DIP2A: variants seen among roughly 807,000 people sequenced by gnomAD.
DIP2A encodes the protein disco-interacting protein 2 homolog A.
A neutral mutation model predicts 177.4 loss-of-function variants in DIP2A; 85 were observed. The ratio of observed to expected loss-of-function variants is 0.48; its 90% CI spans 0.40 to 0.57. The LOEUF is 0.57. Among genes scored for constraint, DIP2A ranks in the 20% least tolerant of loss-of-function variants. DIP2A has a pLI of 0.00. For missense variants in DIP2A, 1,791 were observed against 2,100.2 expected, an observed-to-expected ratio of 0.85 and a Z score of 2.88; for synonymous variants, 886 against 881.8, an observed-to-expected ratio of 1.00 and a Z score of -0.08.
At chr21:46,511,659 A>G in intron 8 of DIP2A, 45 bp downstream of exon 8, 1 of 1,475,152 alleles carries the variant, frequency 6.8e-7, no homozygotes, top group African/African-American at 1.4e-5. Flanking sequence ...TTAGCTGTAG[A>G]ATGTCACACA....
chr21:46,527,985 C>A (rs1938102400), intron 8 of DIP2A, among the ~76,000 whole-genome samples: 1 of 152,074 alleles, frequency 6.6e-6, no homozygotes, highest in Non-Finnish European at 1.5e-5. Flanking sequence ...TGAAGCTCTC[C>A]CCTATTGAGT....
In DIP2A at chr21:46,533,991, CTGTG is replaced by C. The variant is rs1305258854; in HGVS notation, c.1430-9_1430-6del. On this transcript the variant is annotated splice_polypyrimidine_tract_variant and intron_variant, in intron 11 of 37. Coordinates refer to ENST00000417564, the MANE Select transcript of DIP2A (RefSeq NM_015151.4). ...GACTGCTTGCTGTTCTGTGTCCTGT[CTGTG>C]TGTCACAGGTTGGCCCCCGCTCTCC... The C allele has an allele frequency of 1.9e-6, 3 of 1,608,486 alleles. No homozygotes were observed. Among genetic ancestry groups the C allele is most frequent in the Admixed American group, 1.7e-5 (1 of 59,626 alleles).
chr21:46,539,984 A>G lies in DIP2A; in HGVS notation c.2029A>G (p.Ile677Val). Residue 677 changes from isoleucine to valine, a missense_variant, in exon 17 of 38, where the codon ATC (isoleucine) becomes GTC (valine). Transcript: ENST00000417564. Reference protein sequence around the residue: ...ASSPEALTVAIRRPPDLGGPP... With the variant: ...ASSPEALTVAVRRPPDLGGPP... ...TTCTCCTGAGGCGCTGACTGTCGCC[A>G]TCCGCAGGTAACCTTATTCCTTGCT... 2 of 1,613,666 alleles carry G rather than the reference A, an allele frequency of 1.2e-6. No homozygotes were observed. The highest frequency in any genetic ancestry group is 1.7e-6 in the Non-Finnish European group (2 of 1,179,534).
rs1344034032 is a variant in DIP2A, at chr21:46,537,193, C to T, written c.1643-31C>T. Reference sequence around the variant, plus strand: ...CATAGGGCTTATTGAGAGGGTTGCTCAGTGGTGTCACCTTCTTTGTCCACT... The same window carrying T: ...CATAGGGCTTATTGAGAGGGTTGCTTAGTGGTGTCACCTTCTTTGTCCACT... On this transcript the variant is annotated intron_variant, in intron 13 of 37. Transcript: ENST00000417564. This position sits in a 1 kb window ranked among gnomAD's most constrained non-coding sequence, Gnocchi z 4.1. The T allele has an allele frequency of 1.2e-6, 2 of 1,612,832 alleles. No individual in the cohort carries two copies. Among genetic ancestry groups the T allele is most frequent in the Non-Finnish European group, 1.7e-6 (2 of 1,178,852 alleles).
rs115395494 is a variant in DIP2A, at chr21:46,544,275, C to G, written c.2177-862C>G. Among the ~76,000 whole-genome samples the G allele has an allele frequency of 6.1e-3, 927 of 152,128 alleles. 10 individuals are homozygous for G. Among genetic ancestry groups the G allele is most frequent in the African/African-American group, 0.022 (892 of 41,472 alleles). On this transcript the variant is annotated intron_variant, in intron 18 of 37. Coordinates refer to ENST00000417564, the MANE Select transcript of DIP2A (RefSeq NM_015151.4). ...GGAGGAGTCACACTGAGGCCTGAGA[C>G]ATCGTGCTCCATGAAAAGGCGCACA...
At chr21:46,476,633 C>G (rs1292627142) in intron 1 of DIP2A, among the ~76,000 whole-genome samples, 2 of 150,272 alleles carry the variant, frequency 1.3e-5, no homozygotes, top group Middle Eastern at 3.2e-3. Context: ...CTCACGTCTT[C>G]TAGTCATAGC....
chr21:46,549,204 A>G (rs1408371510), intron 21 of DIP2A, among the ~76,000 whole-genome samples: 1 of 152,192 alleles, frequency 6.6e-6, no homozygotes, highest in Non-Finnish European at 1.5e-5. Context: ...AATGTCCCAG[A>G]GTCAGAATGG....
Position 46,504,480 on chromosome 21 carries a change from A to T in DIP2A, c.775A>T (p.Thr259Ser). 6.2e-7 allele frequency: 1 copy of T among 1,608,540 alleles called. No individual in the cohort carries two copies. The highest frequency in any genetic ancestry group is 8.5e-7 in the Non-Finnish European group (1 of 1,177,012). ...GGGGTGCAGCGGGAGCATGCTGGAA[A>T]CAGCAGATGGTGAGCCTGCCTCTCT... ...PRGCSGSMLE[T>S]ADGVPVNSRV... Residue 259 changes from threonine (T) to serine (S), a missense_variant, in exon 6 of 38, where the codon ACA becomes TCA. Thr to Ser is a moderately conservative substitution (Grantham distance 58, BLOSUM62 1). Coordinates refer to ENST00000417564, the MANE Select transcript of DIP2A (RefSeq NM_015151.4).
intron 35 of DIP2A, among the ~76,000 whole-genome samples, chr21:46,564,621 G>A (rs949072459): frequency 1.3e-5 from 2 of 152,232 alleles, no homozygotes; most frequent in South Asian, 2.1e-4. Flanking sequence ...CTTGGGGAAT[G>A]TGCTGTCAAA....
the DIP2A span, among the ~76,000 whole-genome samples, chr21:46,581,320 T>A: frequency 6.6e-6 from 1 of 152,222 alleles, no homozygotes; most frequent in Non-Finnish European, 1.5e-5. Context: ...CTCTGTAAAC[T>A]GGTTATTCTG....
At chr21:46,561,843 C>CT in intron 34 of DIP2A, 38 bp downstream of exon 34, 1 of 1,611,642 alleles carries the variant, frequency 6.2e-7, no homozygotes. Context: ...TGAGTCGCGT[C>CT]TGAGACCTTT....
chr21:46,470,929 G>GA (rs61607316), intron 1 of DIP2A, among the ~76,000 whole-genome samples: 1,711 of 82,832 alleles, frequency 0.021, 16 homozygotes, highest in African/African-American at 0.034. Flanking sequence ...TTCTGTTTCA[G>GA]AAAAAAAAAA....
chr21:46,565,284 G>C (rs1256821047), intron 35 of DIP2A, among the ~76,000 whole-genome samples: 1 of 152,248 alleles, frequency 6.6e-6, no homozygotes, highest in African/African-American at 2.4e-5. Context: ...TGTGCCGTCT[G>C]TTTTCAGGGC....
chr21:46,564,022 A>T, intron 35 of DIP2A, 90 bp downstream of exon 35: 1 of 1,458,560 alleles, frequency 6.9e-7, no homozygotes, highest in Non-Finnish European at 9.3e-7. Flanking sequence ...TGGAATTCTA[A>T]ACTTGCCTTT....
At chr21:46,463,592 A>T (rs762216538) in intron 1 of DIP2A, among the ~76,000 whole-genome samples, 1 of 152,092 alleles carries the variant, frequency 6.6e-6, no homozygotes, top group Non-Finnish European at 1.5e-5. Flanking sequence ...GAAAAGGGGG[A>T]AAAAACTCTG....
At chr21:46,464,575 G>A (rs2045179726) in intron 1 of DIP2A, among the ~76,000 whole-genome samples, 1 of 152,078 alleles carries the variant, frequency 6.6e-6, no homozygotes, top group African/African-American at 2.4e-5. Context: ...CAATATTAAG[G>A]TACTAGCATC....
In DIP2A at chr21:46,565,761, G is replaced by A. The variant is rs374347392; in HGVS notation, c.4213G>A (p.Gly1405Arg). The A allele has an allele frequency of 4.7e-5, 76 of 1,613,850 alleles. No homozygotes were observed. Among genetic ancestry groups the A allele is most frequent in the Admixed American group, 3.8e-4 (23 of 60,004 alleles). Residue 1405 changes from glycine to arginine, a missense_variant, in exon 36 of 38, where the codon GGG becomes AGG. By Grantham distance (125) the Gly-to-Arg change is moderately radical. Coordinates refer to ENST00000417564, the MANE Select transcript of DIP2A (RefSeq NM_015151.4). ...HNATGYYTVY[G>R]EEALHADHFS... ...TGCCACCGGGTACTACACCGTTTAC[G>A]GGGAGGAGGCGCTTCATGCCGACCA...
chr21:46,505,204 G>A (rs1326335787), intron 6 of DIP2A, among the ~76,000 whole-genome samples: 1 of 152,154 alleles, frequency 6.6e-6, no homozygotes, highest in Non-Finnish European at 1.5e-5. Context: ...ACATGAAGCA[G>A]TCTGTACATT....
intron 32 of DIP2A, 43 bp from the exon 33 acceptor site, chr21:46,560,679 G>A: frequency 6.3e-7 from 1 of 1,577,564 alleles, no homozygotes; most frequent in South Asian, 1.2e-5. Flanking sequence ...AAGATGTTAA[G>A]TGAGGCCCCT....
Sources: allele counts gnomAD v4.1 joint callset (sites outside exome capture counted in the v4.1 genomes callset), GRCh38; gene constraint gnomAD v4.1.1; non-coding constraint Gnocchi (gnomAD v3.1); transcripts MANE v1.5; gene names NCBI Gene and HGNC (gene_info 2026-07-23, HGNC 2026-07-21).